Variants in TTC34 observed in about 807,000 individuals in gnomAD.
The protein encoded by TTC34 is tetratricopeptide repeat domain 34, also known as tetratricopeptide repeat protein 34.
A neutral mutation model predicts 40.7 loss-of-function variants in TTC34; 44 were observed. That is an observed-to-expected ratio of 1.08 (90% CI 0.85 to 1.39). The LOEUF (loss-of-function observed/expected upper bound fraction) is 1.39. TTC34 is among the 40% of genes most tolerant of loss of function. The probability of loss-of-function intolerance (pLI) is 0.00; values close to 1 mark genes in which losing one functional copy is unlikely to be tolerated. For synonymous variants in TTC34, 422 were observed against 398.6 expected (o/e 1.06, Z -0.70); for missense variants, 884 against 838.0 (o/e 1.05, Z -0.68).
chr1:2,750,830 T>C (rs2100429038), intron 6 of TTC34, among the ~76,000 whole-genome samples: 1 of 129,558 alleles, frequency 7.7e-6, no homozygotes, highest in South Asian at 2.7e-4. Context: ...TCTGACAGCC[T>C]GGAGCAGTAC....
chr1:2,787,644 G>C (rs769538595), exon 4 of TTC34: 4 of 1,549,944 alleles, frequency 2.6e-6, no homozygotes, highest in African/African-American at 1.4e-5. Context: ...GAGGCGAGAG[G>C]CCTCGTCCTC....
At chr1:2,761,126 C>T (rs1230574367) in intron 6 of TTC34, among the ~76,000 whole-genome samples, 1 of 53,562 alleles carries the variant, frequency 1.9e-5, no homozygotes, top group Admixed American at 1.7e-4. Flanking sequence ...CATACTCCCC[C>T]AGGTGAGCAT....
chr1:2,795,676 T>C (rs536998077), intron 2 of TTC34, among the ~76,000 whole-genome samples: 1 of 152,240 alleles, frequency 6.6e-6, no homozygotes. Flanking sequence ...ATCACAGCTA[T>C]GCTTTGTCAC....
At chr1:2,694,514 A>C (rs1400749255) in intron 6 of TTC34, among the ~76,000 whole-genome samples, 2 of 97,322 alleles carry the variant, frequency 2.1e-5, no homozygotes, top group East Asian at 3.1e-4. Flanking sequence ...CCACACCCCC[A>C]GGTGAACATC....
At chr1:2,762,348 G>A (rs1368359178) in intron 6 of TTC34, among the ~76,000 whole-genome samples, 3 of 444 alleles carry the variant, frequency 6.8e-3, no homozygotes, top group Non-Finnish European at 4.1e-3. Context: ...TGAGCATCTG[G>A]CAGCCTGGAG....
At chr1:2,647,808 TTTG>T (rs1368626014) in intron 6 of TTC34, among the ~76,000 whole-genome samples, 1 of 152,056 alleles carries the variant, frequency 6.6e-6, no homozygotes, top group East Asian at 1.9e-4. Context: ...GAAACAGAGT[TTTG>T]TTTTTTGTTT....
At chr1:2,768,185 A>G (rs950369341) in intron 6 of TTC34, among the ~76,000 whole-genome samples, 1 of 151,880 alleles carries the variant, frequency 6.6e-6, no homozygotes. Flanking sequence ...AGCATCTGAC[A>G]GCCTGGAGCA....
chr1:2,772,932 C>A (rs1177744914), intron 6 of TTC34, among the ~76,000 whole-genome samples: 1 of 136,786 alleles, frequency 7.3e-6, no homozygotes, highest in South Asian at 2.4e-4. Flanking sequence ...GGAACAGCAC[C>A]CATACCCCCA....
intron 6 of TTC34, among the ~76,000 whole-genome samples, chr1:2,686,695 A>T (rs1640367705): frequency 6.7e-6 from 1 of 148,834 alleles, no homozygotes; most frequent in African/African-American, 2.5e-5. Context: ...CCAGGTGCGC[A>T]CGTGACAGCC....
Position 2,796,327 on chromosome 1 carries a change from C to T in TTC34, c.784+3717G>A, listed in dbSNP as rs1643709866. ...GGTCATTTGTTGCAGGAAACTGCAT[C>T]TGTAAAAAGTCTGTTATAGGAAAAT... is the stretch of plus-strand genomic sequence containing the variant. On this transcript the variant is annotated intron_variant, in intron 2 of 8. Coordinates refer to ENST00000401095, the Ensembl canonical transcript of TTC34. The surrounding 1 kb of genome is among the most constrained non-coding windows in gnomAD (Gnocchi z 4.5). Among the ~76,000 whole-genome samples, 1 of 152,226 alleles carries T rather than the reference C, an allele frequency of 6.6e-6. No homozygotes were observed. Among genetic ancestry groups the T allele is most frequent in the African/African-American group, 2.4e-5 (1 of 41,464 alleles).
chr1:2,787,483 G>A lies in TTC34; in HGVS notation c.1852C>T (p.Gln618Ter), dbSNP rs761029112. The A allele has an allele frequency of 2.0e-6, 3 of 1,482,114 alleles. No individual in the cohort carries two copies. The African/African-American group carries it at 4.2e-5, about 21-fold the overall frequency. The allele number at this position is 1,482,114 out of a possible 1,614,324, so 91.8% of individuals were successfully genotyped here. A position where few individuals can be genotyped will look rare whatever the true frequency, so the allele number is the denominator to read the frequency against. ...TGTCACCCCCCAGGCCTCCTCACCT[G>A]GTTGGCGTCATAGAAGAAGCCCCTC... The change falls in exon 4 of 9, where the codon CAG becomes TAG. Residue 618 changes from glutamine to a stop codon, truncating the protein, a stop_gained and splice_region_variant. Coordinates refer to ENST00000401095, the Ensembl canonical transcript of TTC34. LOFTEE classifies it high-confidence loss of function.
At chr1:2,649,037 C>T (rs1227584040) in intron 6 of TTC34, among the ~76,000 whole-genome samples, 1 of 149,748 alleles carries the variant, frequency 6.7e-6, no homozygotes, top group Non-Finnish European at 1.5e-5. Flanking sequence ...ATAGCACCAC[C>T]CCCAACCAAC....
At chr1:2,650,511 GA>G (rs1246468481) in intron 6 of TTC34, among the ~76,000 whole-genome samples, 1 of 151,852 alleles carries the variant, frequency 6.6e-6, no homozygotes, top group African/African-American at 2.4e-5. Flanking sequence ...TACCCCAGGT[GA>G]GCATGTGATA....
intron 6 of TTC34, among the ~76,000 whole-genome samples, chr1:2,691,744 T>C (rs1422068233): frequency 4.9e-3 from 184 of 37,930 alleles, no homozygotes; most frequent in Middle Eastern, 0.04. Context: ...GCACCCACAT[T>C]CCCAGGCAAG....
intron 6 of TTC34, among the ~76,000 whole-genome samples, chr1:2,685,251 T>C (rs1640278603): frequency 3.4e-5 from 3 of 87,118 alleles, no homozygotes; most frequent in African/African-American, 5.3e-5. Flanking sequence ...CAGGTGAGCA[T>C]CTGAGAGCCT....
exon 9 of TTC34, chr1:2,639,815 G>C (rs1638865507): frequency 6.6e-6 from 1 of 152,440 alleles, no homozygotes; most frequent in Non-Finnish European, 1.5e-5. Context: ...GGGAGGCACT[G>C]ACCCTTTACC....
At chr1:2,682,069 A>C (rs57486803) in intron 6 of TTC34, among the ~76,000 whole-genome samples, 116 of 29,104 alleles carry the variant, frequency 4.0e-3, no homozygotes, top group African/African-American at 6.5e-3. Context: ...CCCCACACCC[A>C]CAGGTGAGCA....
At chr1:2,789,383 G>T (rs898690949) in intron 3 of TTC34, 120 bp downstream of exon 3, 1 of 1,022,048 alleles carries the variant, frequency 9.8e-7, no homozygotes, top group East Asian at 3.2e-5. Context: ...GGTGCTTTGG[G>T]AAGTCACCAG....
intron 6 of TTC34, among the ~76,000 whole-genome samples, chr1:2,759,272 C>CT (rs1641610926): frequency 7.5e-6 from 1 of 133,964 alleles, no homozygotes; most frequent in Non-Finnish European, 1.6e-5. Flanking sequence ...GAACAGCACC[C>CT]ACACCCCCAG....
Sources: allele counts gnomAD v4.1 joint callset (sites outside exome capture counted in the v4.1 genomes callset), GRCh38; gene constraint gnomAD v4.1.1; non-coding constraint Gnocchi (gnomAD v3.1); transcripts MANE v1.5; gene names NCBI Gene and HGNC (gene_info 2026-07-23, HGNC 2026-07-21).